HIPK2: variants seen among roughly 807,000 people sequenced by gnomAD.
HIPK2 encodes the protein homeodomain interacting protein kinase 2, also known as homeodomain-interacting protein kinase 2.
A neutral mutation model predicts 113.7 loss-of-function variants in HIPK2; 27 were observed. The ratio of observed to expected loss-of-function variants is 0.24; its 90% CI spans 0.17 to 0.33. The LOEUF (loss-of-function observed/expected upper bound fraction) is 0.33. HIPK2 is among the 10% of genes least tolerant of loss of function. The pLI, the probability that HIPK2 is intolerant of heterozygous loss-of-function variation, is 1.00. For synonymous variants in HIPK2, 631 were observed against 642.2 expected (o/e 0.98, Z 0.26); for missense variants, 1,257 against 1,588.0 (o/e 0.79, Z 3.54).
chr7:139,716,035 C>A lies in HIPK2; in HGVS notation c.1000G>T (p.Asp334Tyr). The change falls in exon 2 of 15, where the codon GAT (aspartate) becomes TAT (tyrosine). Residue 334 changes from aspartate to tyrosine, a missense_variant. Physicochemically the swap from Asp to Tyr is radical, Grantham distance 160. This residue lies in a region of HIPK2 where 84 missense variants were observed against 182.2 expected (regional missense o/e 0.46). Coordinates refer to ENST00000406875, the MANE Select transcript of HIPK2 (RefSeq NM_022740.5). This position sits in a 1 kb window ranked among gnomAD's most constrained non-coding sequence, Gnocchi z 9.3. ...ACTCTGTATGGTTGTCTAGATGGAT[C>A]CACCAGCATGATGTTTTCTGGTTTG... is the stretch of plus-strand genomic sequence containing the variant. ...DLKPENIMLV[D>Y]PSRQPYRVKV... 3 of 1,614,114 alleles carry A rather than the reference C, an allele frequency of 1.9e-6. No homozygotes were observed. Among genetic ancestry groups the A allele is most frequent in the Non-Finnish European group, 2.5e-6 (3 of 1,179,980 alleles).
At chr7:139,595,599 T>C (rs957370127) in intron 12 of HIPK2, among the ~76,000 whole-genome samples, 21 of 152,186 alleles carry the variant, frequency 1.4e-4, no homozygotes, top group African/African-American at 4.6e-4. Flanking sequence ...TGTACCTAAT[T>C]GGTGGGAAGA....
At chr7:139,629,112 C>A in intron 4 of HIPK2, 73 bp from the exon 5 acceptor site, 1 of 1,239,428 alleles carries the variant, frequency 8.1e-7, no homozygotes, top group Non-Finnish European at 1.2e-6. Context: ...CCTTGGAACT[C>A]CTGTGTCTCA....
chr7:139,767,012 C>T (rs779478265), intron 1 of HIPK2, among the ~76,000 whole-genome samples: 45 of 152,208 alleles, frequency 3.0e-4, no homozygotes, highest in Non-Finnish European at 6.5e-4. Context: ...CCTATGGCTT[C>T]TGGAAGTCAC....
intron 4 of HIPK2, 116 bp from the exon 5 acceptor site, chr7:139,629,155 T>C (rs952650666): frequency 2.5e-6 from 2 of 794,848 alleles, no homozygotes; most frequent in East Asian, 5.4e-5. Flanking sequence ...TCGGAAGAGA[T>C]TTTGATTCTT....
chr7:139,677,040 T>C (rs1418760415), intron 2 of HIPK2, among the ~76,000 whole-genome samples: 1 of 151,992 alleles, frequency 6.6e-6, no homozygotes, highest in East Asian at 1.9e-4. Flanking sequence ...TTTGCATTTT[T>C]AGTGGAGATG....
Position 139,596,895 on chromosome 7 carries a change from T to C in HIPK2, c.2539A>G (p.Ser847Gly), listed in dbSNP as rs966027443. Reference sequence around the variant, plus strand: ...ACCGAGGTGCTGCAGGCCGGGCTACTGTGCACCATGGCACAGCGGGGAGGT... The same window carrying C: ...ACCGAGGTGCTGCAGGCCGGGCTACCGTGCACCATGGCACAGCGGGGAGGT... ...NTPPRCAMVH[S>G]SPACSTSVTC... The change falls in exon 12 of 15, where the codon AGT (serine) becomes GGT (glycine). Residue 847 changes from serine (S) to glycine (G), a missense_variant. Coordinates refer to ENST00000406875, the MANE Select transcript of HIPK2 (RefSeq NM_022740.5). The C allele has an allele frequency of 5.6e-6, 9 of 1,613,720 alleles. No individual in the cohort carries two copies. Among genetic ancestry groups the C allele is most frequent in the South Asian group, 1.1e-5 (1 of 91,078 alleles).
intron 12 of HIPK2, among the ~76,000 whole-genome samples, chr7:139,589,755 T>A (rs974156823): frequency 6.6e-6 from 1 of 152,238 alleles, no homozygotes; most frequent in Non-Finnish European, 1.5e-5. Flanking sequence ...GACTGAAGAA[T>A]CTGCATGTCA....
chr7:139,663,870 C>T (rs993696847), intron 2 of HIPK2, among the ~76,000 whole-genome samples: 1 of 152,180 alleles, frequency 6.6e-6, no homozygotes, highest in African/African-American at 2.4e-5. Flanking sequence ...CGAAGCCCAC[C>T]CATAATGCCG....
chr7:139,687,231 C>T (rs1794252581), intron 2 of HIPK2, among the ~76,000 whole-genome samples: 4 of 152,214 alleles, frequency 2.6e-5, no homozygotes, highest in African/African-American at 9.7e-5. Flanking sequence ...GCAAGCCTAG[C>T]TCTAGCATTT....
chr7:139,723,400 G>T (rs1795475024), intron 1 of HIPK2, among the ~76,000 whole-genome samples: 1 of 152,020 alleles, frequency 6.6e-6, no homozygotes, highest in African/African-American at 2.4e-5. Context: ...CAGCATGTTG[G>T]CCAGGCTGGT....
intron 2 of HIPK2, among the ~76,000 whole-genome samples, chr7:139,650,945 G>A (rs569375312): frequency 2.0e-5 from 3 of 152,350 alleles, no homozygotes; most frequent in East Asian, 1.9e-4. Flanking sequence ...AGTGGGAATC[G>A]TCCTGTCATG....
At chr7:139,648,958 C>T (rs756467831) in intron 2 of HIPK2, among the ~76,000 whole-genome samples, 9 of 152,028 alleles carry the variant, frequency 5.9e-5, no homozygotes, top group Non-Finnish European at 1.0e-4. Flanking sequence ...AACGGAAGAA[C>T]AGAAACTCTA....
intron 1 of HIPK2, among the ~76,000 whole-genome samples, chr7:139,766,658 C>A (rs1170499484): frequency 6.6e-6 from 1 of 152,212 alleles, no homozygotes; most frequent in Non-Finnish European, 1.5e-5. Flanking sequence ...AAGATAAGGG[C>A]ATGCGCTGGC....
chr7:139,711,755 A>T (rs180955827), intron 2 of HIPK2, among the ~76,000 whole-genome samples: 40 of 152,168 alleles, frequency 2.6e-4, no homozygotes, highest in African/African-American at 9.4e-4. Flanking sequence ...AAAAAAAAAC[A>T]AAAAAACTAA....
intron 1 of HIPK2, among the ~76,000 whole-genome samples, chr7:139,726,311 T>A (rs1467259877): frequency 6.6e-6 from 1 of 152,044 alleles, no homozygotes; most frequent in East Asian, 1.9e-4. Context: ...ACTAAGGAAC[T>A]GCCTGAGAAA....
intron 12 of HIPK2, among the ~76,000 whole-genome samples, chr7:139,594,394 A>G (rs189383206): frequency 1.1e-3 from 167 of 152,312 alleles, no homozygotes; most frequent in Middle Eastern, 3.4e-3. Flanking sequence ...GCCAATAAAT[A>G]CTGACTGTGT....
At chr7:139,652,522 T>G (rs1801500117) in intron 2 of HIPK2, among the ~76,000 whole-genome samples, 1 of 152,184 alleles carries the variant, frequency 6.6e-6, no homozygotes, top group South Asian at 2.1e-4. Flanking sequence ...GAAAAAGGAA[T>G]ACAGACAGAA....
Position 139,636,417 on chromosome 7 carries a change from A to G in HIPK2, c.1104-4692T>C, listed in dbSNP as rs555419008. ...TTATGTTGAACTCCTAATTCCTGGCACCTTGGCATGTGACTTTATTTAGGA... is the reference window on the plus strand; with the variant it reads ...TTATGTTGAACTCCTAATTCCTGGCGCCTTGGCATGTGACTTTATTTAGGA... On this transcript the variant is annotated intron_variant, in intron 2 of 14. Transcript: ENST00000406875. Among the ~76,000 whole-genome samples the G allele has an allele frequency of 2.0e-5, 3 of 152,022 alleles. No individual in the cohort carries two copies. In the East Asian group the frequency reaches 5.8e-4, roughly 29 times the overall value.
intron 1 of HIPK2, among the ~76,000 whole-genome samples, chr7:139,760,002 G>GT (rs1414673441): frequency 6.6e-6 from 1 of 150,714 alleles, no homozygotes; most frequent in African/African-American, 2.4e-5. Context: ...CATCTACCTA[G>GT]TTGTTTTTTT....
Sources: gnomAD v4.1 joint callset for allele counts (sites outside exome capture counted in the v4.1 genomes callset) on GRCh38, gnomAD v4.1.1 for gene constraint, gnomAD v4.1.1 regional missense constraint, Gnocchi (gnomAD v3.1) non-coding constraint, MANE v1.5 for transcripts, NCBI Gene and HGNC (gene_info 2026-07-23, HGNC 2026-07-21) for gene names.